AGBL4: variants seen among roughly 807,000 people sequenced by gnomAD.
The protein encoded by AGBL4 is AGBL carboxypeptidase 4.
In AGBL4, 58 loss-of-function variants were observed where a neutral mutation model predicts 66.4. That is an observed-to-expected ratio of 0.87 (90% CI 0.71 to 1.09). AGBL4 has a LOEUF of 1.09. AGBL4 is among the 50% of genes least tolerant of loss of function. AGBL4 has a pLI of 0.00. For synonymous variants in AGBL4, 234 were observed against 222.9 expected (o/e 1.05, Z -0.44); for missense variants, 579 against 631.0 (o/e 0.92, Z 0.88).
At chr1:49,948,219 TATAAATATA>T (rs1655614591) in intron 1 of AGBL4, among the ~76,000 whole-genome samples, 4 of 103,546 alleles carry the variant, frequency 3.9e-5, no homozygotes, top group Non-Finnish European at 6.8e-5. Flanking sequence ...TATAAATATA[TATAAATATA>T]TATAAATATA....
At chr1:48,701,980 T>A (rs1646809458) in intron 6 of AGBL4, among the ~76,000 whole-genome samples, 1 of 152,188 alleles carries the variant, frequency 6.6e-6, no homozygotes, top group Non-Finnish European at 1.5e-5. Context: ...CTCCCATCTT[T>A]CCATTAAAAA....
intron 4 of AGBL4, among the ~76,000 whole-genome samples, chr1:49,136,605 A>C (rs1646015479): frequency 6.6e-6 from 1 of 152,144 alleles, no homozygotes; most frequent in Non-Finnish European, 1.5e-5. Flanking sequence ...TTACTAAGAA[A>C]ATGGCACCAA....
intron 6 of AGBL4, among the ~76,000 whole-genome samples, chr1:48,781,348 C>T (rs1645288244): frequency 6.6e-6 from 1 of 152,190 alleles, no homozygotes; most frequent in South Asian, 2.1e-4. Flanking sequence ...TCCTGTGTGA[C>T]TCACACATTC....
intron 3 of AGBL4, among the ~76,000 whole-genome samples, chr1:49,549,313 T>C (rs925666746): frequency 6.6e-6 from 1 of 152,066 alleles, no homozygotes; most frequent in Non-Finnish European, 1.5e-5. Flanking sequence ...TTCCTTTTTT[T>C]CTGCTGGGTT....
At chr1:49,345,253 T>G (rs557157729) in intron 3 of AGBL4, among the ~76,000 whole-genome samples, 11 of 152,308 alleles carry the variant, frequency 7.2e-5, no homozygotes, top group African/African-American at 2.2e-4. Flanking sequence ...TTAGTGTACA[T>G]TATCAGCAAC....
At chr1:49,542,835 C>A (rs1652158704) in intron 3 of AGBL4, among the ~76,000 whole-genome samples, 1 of 141,314 alleles carries the variant, frequency 7.1e-6, no homozygotes, top group African/African-American at 2.6e-5. Flanking sequence ...GTAGGTGGAG[C>A]CTGCAGTGAG....
intron 6 of AGBL4, among the ~76,000 whole-genome samples, chr1:48,707,237 T>G (rs1473697227): frequency 6.6e-6 from 1 of 152,142 alleles, no homozygotes; most frequent in Non-Finnish European, 1.5e-5. Flanking sequence ...GAGGTTGCAG[T>G]GAGCTAAGAT....
intron 11 of AGBL4, chr1:48,584,258 A>T (rs1209977245): frequency 6.6e-6 from 1 of 152,054 alleles, no homozygotes; most frequent in Non-Finnish European, 1.5e-5. Context: ...TACATTCAAG[A>T]TCAAACTTCT....
intron 2 of AGBL4, among the ~76,000 whole-genome samples, chr1:49,822,197 G>A (rs970417348): frequency 6.6e-5 from 10 of 152,124 alleles, no homozygotes; most frequent in South Asian, 2.1e-4. Context: ...ATAAGACACC[G>A]AATATGTTTT....
At chr1:48,882,667 T>A (rs888117796) in intron 5 of AGBL4, among the ~76,000 whole-genome samples, 1 of 152,154 alleles carries the variant, frequency 6.6e-6, no homozygotes, top group African/African-American at 2.4e-5. Context: ...TCTAAGCAAT[T>A]TTCAAGTAAA....
chr1:49,907,256 C>A (rs970955143), intron 1 of AGBL4, among the ~76,000 whole-genome samples: 7 of 152,078 alleles, frequency 4.6e-5, no homozygotes, highest in African/African-American at 1.4e-4. Context: ...ATCTTCACTT[C>A]TTAAGTTTCT....
At chr1:49,571,537 C>T (rs968046269) in intron 3 of AGBL4, among the ~76,000 whole-genome samples, 4 of 151,914 alleles carry the variant, frequency 2.6e-5, no homozygotes, top group East Asian at 1.9e-4. Context: ...AATTTGACTT[C>T]CTCTATACTG....
At chr1:49,261,904 A>C (rs1452477375) in intron 3 of AGBL4, among the ~76,000 whole-genome samples, 1 of 150,644 alleles carries the variant, frequency 6.6e-6, no homozygotes, top group Non-Finnish European at 1.5e-5. Context: ...ACCTGACTTC[A>C]AACTATACTA....
intron 1 of AGBL4, among the ~76,000 whole-genome samples, chr1:49,909,298 A>G (rs187582318): frequency 7.9e-5 from 12 of 152,310 alleles, no homozygotes; most frequent in Non-Finnish European, 1.0e-4. Context: ...ACATATATAC[A>G]TAAGTATATT....
chr1:49,263,678 G>A (rs187134903), intron 3 of AGBL4, among the ~76,000 whole-genome samples: 4 of 152,224 alleles, frequency 2.6e-5, no homozygotes, highest in Admixed American at 2.6e-4. Flanking sequence ...AAAGAACAAT[G>A]ATTTTGAACA....
At chr1:49,003,625 T>C (rs1321682511) in intron 5 of AGBL4, among the ~76,000 whole-genome samples, 3 of 152,108 alleles carry the variant, frequency 2.0e-5, no homozygotes, top group African/African-American at 7.2e-5. Flanking sequence ...CCCTTATCAA[T>C]GATCCTTTCA....
At chr1:48,992,781 G>T (rs1018476198) in intron 5 of AGBL4, among the ~76,000 whole-genome samples, 19 of 152,204 alleles carry the variant, frequency 1.2e-4, no homozygotes, top group African/African-American at 3.9e-4. Context: ...CCCATGAGGA[G>T]TACTGCCAGA....
chr1:49,842,392 G>A, intron 2 of AGBL4: 1 of 655,302 alleles, frequency 1.5e-6, no homozygotes, highest in Non-Finnish European at 2.2e-6. Flanking sequence ...ACCCAGGTGA[G>A]ATGGGAGCCC....
intron 3 of AGBL4, among the ~76,000 whole-genome samples, chr1:49,429,068 C>G (rs1227574426): frequency 6.6e-6 from 1 of 152,192 alleles, no homozygotes; most frequent in Non-Finnish European, 1.5e-5. Flanking sequence ...ACTGGAAGAA[C>G]TTAGAATTCA....
Sources: allele counts gnomAD v4.1 joint callset (sites outside exome capture counted in the v4.1 genomes callset), GRCh38; gene constraint gnomAD v4.1.1; transcripts MANE v1.5; gene names NCBI Gene and HGNC (gene_info 2026-07-23, HGNC 2026-07-21).